The following TRIQK variants were observed in gnomAD, a reference collection of about 807,000 sequenced individuals.
TRIQK encodes the protein triple QxxK/R motif containing, also known as triple QxxK/R motif-containing protein.
In TRIQK, 10 loss-of-function variants were observed where a neutral mutation model predicts 10.8. That is an observed-to-expected ratio of 0.92 (90% CI 0.57 to 1.57). The LOEUF is 1.57. Among genes scored for constraint, TRIQK ranks in the 40% most tolerant of loss-of-function variants. The pLI is 0.00. For synonymous variants in TRIQK, 33 were observed against 33.7 expected (o/e 0.98, Z 0.07); for missense variants, 107 against 97.7 (o/e 1.09, Z -0.40).
intron 1 of TRIQK, among the ~76,000 whole-genome samples, chr8:92,982,751 T>C (rs542541506): frequency 6.6e-6 from 1 of 152,194 alleles, no homozygotes; most frequent in African/African-American, 2.4e-5. Context: ...TCTGCTTTTA[T>C]GCATTCCAAA....
At position 92,945,169 on chromosome 8, in the gene TRIQK, A is replaced by G. The variant is rs74944889; in HGVS notation, c.-22+9237T>C. ...ATGTATCTCACCCAATTCACTACAT[A>G]CTGGACTTTCAGTCACTTGCCCAAT... On this transcript the variant is annotated intron_variant, in intron 2 of 4. Coordinates refer to ENST00000521988, the MANE Select transcript of TRIQK (RefSeq NM_001171797.2). Among the ~76,000 whole-genome samples the G allele has an allele frequency of 3.3e-3, 496 of 152,246 alleles. 2 individuals are homozygous for G. Among genetic ancestry groups the G allele is most frequent in the Middle Eastern group, 0.021 (6 of 292 alleles).
At chr8:92,991,698 G>A (rs1257060203) in intron 1 of TRIQK, among the ~76,000 whole-genome samples, 2 of 152,156 alleles carry the variant, frequency 1.3e-5, no homozygotes, top group Admixed American at 6.5e-5. Context: ...CAAATGGGAA[G>A]AGAGGAAGTC....
intron 1 of TRIQK, among the ~76,000 whole-genome samples, chr8:93,016,414 T>C (rs1473678585): frequency 6.6e-6 from 1 of 152,212 alleles, no homozygotes; most frequent in African/African-American, 2.4e-5. Flanking sequence ...GATGCACATT[T>C]GGCTTCATTA....
intron 1 of TRIQK, among the ~76,000 whole-genome samples, 182 bp from the exon 2 acceptor site, chr8:92,954,746 A>G (rs561494771): frequency 9.2e-4 from 140 of 151,996 alleles, no homozygotes; most frequent in Non-Finnish European, 1.3e-3. Flanking sequence ...GTTGCATATT[A>G]TGCCCCATTT....
At chr8:92,973,169 A>G (rs1812893192) in intron 1 of TRIQK, 1 of 152,222 alleles carries the variant, frequency 6.6e-6, no homozygotes, top group African/African-American at 2.4e-5. Flanking sequence ...AAGAAATGAA[A>G]TAAGAACAAT....
chr8:92,944,405 A>C (rs1220891692), intron 2 of TRIQK, among the ~76,000 whole-genome samples: 1 of 152,174 alleles, frequency 6.6e-6, no homozygotes, highest in Non-Finnish European at 1.5e-5. Flanking sequence ...AGGTATCAGC[A>C]CTTCAATGTT....
At chr8:92,958,519 G>A (rs545778802) in intron 1 of TRIQK, among the ~76,000 whole-genome samples, 38 of 151,764 alleles carry the variant, frequency 2.5e-4, no homozygotes, top group African/African-American at 8.2e-4. Context: ...TTCATCTTTG[G>A]AAATAAAACT....
intron 1 of TRIQK, among the ~76,000 whole-genome samples, chr8:92,957,477 T>A (rs1418140543): frequency 6.6e-6 from 1 of 151,848 alleles, no homozygotes; most frequent in Non-Finnish European, 1.5e-5. Flanking sequence ...TCATTATATA[T>A]CTAAATCAAG....
At chr8:92,959,384 C>G (rs892252315) in intron 1 of TRIQK, among the ~76,000 whole-genome samples, 3 of 151,698 alleles carry the variant, frequency 2.0e-5, no homozygotes, top group Non-Finnish European at 2.9e-5. Context: ...GTATTATCTT[C>G]TCATGCAAAC....
At chr8:93,002,772 T>C (rs1813226734) in intron 1 of TRIQK, among the ~76,000 whole-genome samples, 4 of 151,806 alleles carry the variant, frequency 2.6e-5, no homozygotes, top group Admixed American at 2.0e-4. Context: ...ATAAAAAAAT[T>C]AGCCGGGTGT....
At chr8:92,930,673 T>G (rs1810677247) in intron 2 of TRIQK, among the ~76,000 whole-genome samples, 1 of 152,088 alleles carries the variant, frequency 6.6e-6, no homozygotes, top group African/African-American at 2.4e-5. Flanking sequence ...CATATCCACT[T>G]GACTATTACC....
chr8:92,895,316 AC>A (rs1808535444), intron 3 of TRIQK, among the ~76,000 whole-genome samples: 1 of 152,160 alleles, frequency 6.6e-6, no homozygotes, highest in South Asian at 2.1e-4. Context: ...TTATAGCAGC[AC>A]CAAATAGACT....
chr8:93,015,728 G>T (rs139289555), intron 1 of TRIQK, among the ~76,000 whole-genome samples: 44 of 152,020 alleles, frequency 2.9e-4, no homozygotes, highest in African/African-American at 1.1e-3. Context: ...CATAATAGGG[G>T]CAAATGTTTT....
intron 2 of TRIQK, among the ~76,000 whole-genome samples, chr8:92,924,440 C>T (rs1262666798): frequency 6.6e-6 from 1 of 152,060 alleles, no homozygotes; most frequent in African/African-American, 2.4e-5. Context: ...TTGACTTTGA[C>T]AAGCTCATTC....
At chr8:92,895,847 A>G (rs1490938978) in intron 3 of TRIQK, among the ~76,000 whole-genome samples, 6 of 152,172 alleles carry the variant, frequency 3.9e-5, no homozygotes, top group African/African-American at 1.2e-4. Flanking sequence ...AGAAATGACT[A>G]AAAGGTAAAA....
intron 1 of TRIQK, among the ~76,000 whole-genome samples, chr8:92,959,480 T>TACACACACACACACAC (rs34816958): frequency 1.6e-3 from 229 of 143,734 alleles, no homozygotes; most frequent in Non-Finnish European, 2.9e-3. Flanking sequence ...TATATATGCA[T>TACACACACACACACAC]ACACACACAC....
At chr8:92,978,504 G>A (rs1812954234) in intron 1 of TRIQK, among the ~76,000 whole-genome samples, 1 of 152,098 alleles carries the variant, frequency 6.6e-6, no homozygotes, top group Admixed American at 6.6e-5. Flanking sequence ...CGTAATTTGG[G>A]GGGTCTAGGA....
At chr8:92,946,341 C>CA (rs1811531925) in intron 2 of TRIQK, among the ~76,000 whole-genome samples, 1 of 152,172 alleles carries the variant, frequency 6.6e-6, no homozygotes, top group Non-Finnish European at 1.5e-5. Context: ...GGAACAGCTG[C>CA]AAAAAACAAA....
At chr8:93,013,684 G>T (rs1475759211) in intron 1 of TRIQK, among the ~76,000 whole-genome samples, 4 of 152,116 alleles carry the variant, frequency 2.6e-5, no homozygotes, top group Non-Finnish European at 5.9e-5. Flanking sequence ...ATTAATATTT[G>T]TAGGTGCCAA....
Sources: gnomAD v4.1 joint callset for allele counts (sites outside exome capture counted in the v4.1 genomes callset) on GRCh38, gnomAD v4.1.1 for gene constraint, MANE v1.5 for transcripts, NCBI Gene and HGNC (gene_info 2026-07-23, HGNC 2026-07-21) for gene names.